Variants in ZNF12 observed in about 807,000 individuals in gnomAD.
ZNF12 encodes gonadotropin inducible transcription repressor 3.
In ZNF12, 34 loss-of-function variants were observed where a neutral mutation model predicts 66.6. The observed-to-expected ratio is 0.51, with a 90% CI of 0.39 to 0.68. The LOEUF is 0.68. Ranked by LOEUF, ZNF12 falls within the 30% of genes least tolerant of loss-of-function variation. The probability of loss-of-function intolerance (pLI) is 0.00; values close to 1 mark genes in which losing one functional copy is unlikely to be tolerated. For missense variants in ZNF12, 697 were observed against 826.9 expected, an observed-to-expected ratio of 0.84 and a Z score of 1.93; for synonymous variants, 320 against 278.9, an observed-to-expected ratio of 1.15 and a Z score of -1.47.
In ZNF12 at chr7:6,705,752, A is replaced by G. The variant is rs377696864; in HGVS notation, c.-50-529T>C. ...CAAACAAACAAACAAAAAACAAACA[A>G]CAAAAAATGAATTCTGTAATACTCA... On this transcript the variant is annotated intron_variant, in intron 1 of 4. Coordinates refer to ENST00000405858, the MANE Select transcript of ZNF12 (RefSeq NM_016265.4). The surrounding 1 kb of genome is among the most constrained non-coding windows in gnomAD (Gnocchi z 4.0). 6.6e-6 allele frequency among the ~76,000 whole-genome samples: 1 copy of G among 152,070 alleles called. No individual in the cohort carries two copies. Among genetic ancestry groups the G allele is most frequent in the South Asian group, 2.1e-4 (1 of 4,824 alleles).
At position 6,696,691 on chromosome 7, in the gene ZNF12, T is replaced by C. The variant is rs1780160148; in HGVS notation, c.238+648A>G. Reference sequence around the variant, plus strand: ...ACTAAGCACCTGCCATGACAGGGTATCATTCAAGGCATTGGGAACAGAACA... The same window carrying C: ...ACTAAGCACCTGCCATGACAGGGTACCATTCAAGGCATTGGGAACAGAACA... On this transcript the variant is annotated intron_variant, in intron 4 of 4. Transcript: ENST00000405858. This position sits in a 1 kb window ranked among gnomAD's most constrained non-coding sequence, Gnocchi z 4.0. Among the ~76,000 whole-genome samples the C allele has an allele frequency of 6.6e-6, 1 of 152,144 alleles. No individual in the cohort carries two copies. The highest frequency in any genetic ancestry group is 2.4e-5 in the African/African-American group (1 of 41,418).
chr7:6,690,666 C>T lies in ZNF12; in HGVS notation c.*182G>A. On this transcript the variant is annotated 3_prime_UTR_variant, in exon 5 of 5. Transcript: ENST00000405858. ...TGTCTATAGTCTAGTATTGTTATACCATGTGGTCTTGTTATAATCATGGTT... is the reference window on the plus strand; with the variant it reads ...TGTCTATAGTCTAGTATTGTTATACTATGTGGTCTTGTTATAATCATGGTT... 1 of 598,364 alleles carries T rather than the reference C, an allele frequency of 1.7e-6. No individual in the cohort carries two copies. Among genetic ancestry groups the T allele is most frequent in the Non-Finnish European group, 2.8e-6 (1 of 351,752 alleles). 37.1% of individuals were successfully genotyped at this position (598,364 alleles called of 1,614,324 possible). A position where few individuals can be genotyped will look rare whatever the true frequency, so the allele number is the denominator to read the frequency against.
At position 6,689,013 on chromosome 7, in the gene ZNF12, T is replaced by C. The variant is rs1780027959; in HGVS notation, c.*1835A>G. The C allele has an allele frequency of 6.6e-6, 1 of 152,616 alleles. No individual in the cohort carries two copies. 9.5% of individuals were successfully genotyped at this position (152,616 alleles called of 1,614,324 possible). ...TACGTCAAAATTTACAGAAAATAAATCTCTATATCAACAGCTTAAAATAAA... is the reference window on the plus strand; with the variant it reads ...TACGTCAAAATTTACAGAAAATAAACCTCTATATCAACAGCTTAAAATAAA... On this transcript the variant is annotated 3_prime_UTR_variant, in exon 5 of 5. Coordinates refer to ENST00000405858, the MANE Select transcript of ZNF12 (RefSeq NM_016265.4).
At position 6,689,122 on chromosome 7, in the gene ZNF12, G is replaced by C. The variant is rs1780029289; in HGVS notation, c.*1726C>G. The stretch of plus-strand genomic sequence containing the variant: ...CCAATTAGAATGTCTTCAGTTATTA[G>C]TAATAGAGCATCCTAAATCAACTGG... On this transcript the variant is annotated 3_prime_UTR_variant, in exon 5 of 5. Coordinates refer to ENST00000405858, the MANE Select transcript of ZNF12 (RefSeq NM_016265.4). 1 of 152,268 alleles carries C rather than the reference G, an allele frequency of 6.6e-6. No homozygotes were observed. The highest frequency in any genetic ancestry group is 2.1e-4 in the South Asian group (1 of 4,836). The allele number at this position is 152,268 out of a possible 1,614,324, so 9.4% of individuals were successfully genotyped here. A position where few individuals can be genotyped will look rare whatever the true frequency, so the allele number is the denominator to read the frequency against.
chr7:6,702,325 C>CACA (rs58794992), intron 2 of ZNF12, among the ~76,000 whole-genome samples: 7 of 10,624 alleles, frequency 6.6e-4, no homozygotes, highest in Non-Finnish European at 1.0e-3. Context: ...CACACACACA[C>CACA]CAGATTCGTC....
chr7:6,703,143 G>A (rs1780284814), intron 2 of ZNF12, among the ~76,000 whole-genome samples: 1 of 151,948 alleles, frequency 6.6e-6, no homozygotes, highest in Admixed American at 6.6e-5. Flanking sequence ...ACCTAATTCT[G>A]GCCTTTTCTC....
At chr7:6,694,477 C>G (rs141679586) in intron 4 of ZNF12, among the ~76,000 whole-genome samples, 2,185 of 152,248 alleles carry the variant, frequency 0.014, 51 homozygotes, top group Non-Finnish European at 0.015. Flanking sequence ...TATTCCGTTG[C>G]AGGAAAAGCA....
In ZNF12 at chr7:6,697,646, C is replaced by G. The variant is rs183815609; in HGVS notation, c.142+39G>C. On this transcript the variant is annotated intron_variant, in intron 3 of 4. Transcript: ENST00000405858. The surrounding 1 kb of genome is among the most constrained non-coding windows in gnomAD (Gnocchi z 6.1). ...AAAGTCATAAAATTTGTGAGAAATC[C>G]CATATATTTTAGCAACTGAGAAAGC... 56 of 1,611,444 alleles carry G rather than the reference C, an allele frequency of 3.5e-5. No individual in the cohort carries two copies. In the Admixed American group the frequency reaches 5.4e-4, roughly 15 times the overall value.
Position 6,692,148 on chromosome 7 carries a change from T to A in ZNF12, c.794A>T (p.Glu265Val). Reference sequence around the variant, plus strand: ...TTCACTGCATTCATAGGGCTTCATTTCCATATGAGATGTCTGATGTACAGT... The same window carrying A: ...TTCACTGCATTCATAGGGCTTCATTACCATATGAGATGTCTGATGTACAGT... ...DLTVHQTSHM[E>V]MKPYECSECG... is the part of the protein sequence containing the mutation. Residue 265 changes from glutamate (E) to valine (V), a missense_variant, in exon 5 of 5, where the codon GAA becomes GTA. Glu to Val is a moderately radical substitution (Grantham distance 121). Coordinates refer to ENST00000405858, the MANE Select transcript of ZNF12 (RefSeq NM_016265.4). The surrounding 1 kb of genome is among the most constrained non-coding windows in gnomAD (Gnocchi z 5.1). 6.2e-7 allele frequency: 1 copy of A among 1,614,148 alleles called. No individual in the cohort carries two copies. Among genetic ancestry groups the A allele is most frequent in the Non-Finnish European group, 8.5e-7 (1 of 1,179,990 alleles).
At chr7:6,703,271 A>G (rs754990885) in intron 2 of ZNF12, among the ~76,000 whole-genome samples, 1 of 152,156 alleles carries the variant, frequency 6.6e-6, no homozygotes, top group Non-Finnish European at 1.5e-5. Context: ...TATGATGAAC[A>G]CTTCAGGAGA....
rs1697336854 is a variant in ZNF12, at chr7:6,706,659, GC to G, written c.-279del. On this transcript the variant is annotated 5_prime_UTR_variant, in exon 1 of 5. Transcript: ENST00000405858. ...CACCGTCCTGCGGAGCCGGGGCCGG[GC>G]CGTCGAGGACGCACACGGGCCGGGC... 5.5e-6 allele frequency: 2 copies of G among 363,256 alleles called. No homozygotes were observed. The highest frequency in any genetic ancestry group is 2.0e-5 in the South Asian group (1 of 50,856). 22.5% of individuals were successfully genotyped at this position (363,256 alleles called of 1,614,324 possible).
chr7:6,703,509 T>C (rs1780292010), intron 2 of ZNF12, among the ~76,000 whole-genome samples: 1 of 152,164 alleles, frequency 6.6e-6, no homozygotes, highest in African/African-American at 2.4e-5. Flanking sequence ...TCTTTCTCGA[T>C]AGGGCTACAG....
rs1780181844 is a variant in ZNF12, at chr7:6,698,183, T to A, written c.16-372A>T. 6.6e-6 allele frequency among the ~76,000 whole-genome samples: 1 copy of A among 152,100 alleles called. No individual in the cohort carries two copies. Among genetic ancestry groups the A allele is most frequent in the Admixed American group, 6.6e-5 (1 of 15,262 alleles). On this transcript the variant is annotated intron_variant, in intron 2 of 4. Coordinates refer to ENST00000405858, the MANE Select transcript of ZNF12 (RefSeq NM_016265.4). The surrounding 1 kb of genome is among the most constrained non-coding windows in gnomAD (Gnocchi z 4.4). Reference sequence around the variant, plus strand: ...CATTCTTCAATTTGCTTCTAGAACATTAATAATGTTGGTTCTCTTCTTACC... The same window carrying A: ...CATTCTTCAATTTGCTTCTAGAACAATAATAATGTTGGTTCTCTTCTTACC...
Position 6,698,828 on chromosome 7 carries a change from G to A in ZNF12, c.16-1017C>T, listed in dbSNP as rs950081681. On this transcript the variant is annotated intron_variant, in intron 2 of 4. Coordinates refer to ENST00000405858, the MANE Select transcript of ZNF12 (RefSeq NM_016265.4). The surrounding 1 kb of genome is among the most constrained non-coding windows in gnomAD (Gnocchi z 4.4). ...TTTGAATAAAGTGTCCCATTCACAA[G>A]TACTCACACTAGCCATTATAACTGT... is the stretch of plus-strand genomic sequence containing the variant. Among the ~76,000 whole-genome samples, 1 of 152,164 alleles carries A rather than the reference G, an allele frequency of 6.6e-6. No homozygotes were observed. The highest frequency in any genetic ancestry group is 1.5e-5 in the Non-Finnish European group (1 of 68,044).
In ZNF12 at chr7:6,706,491, G is replaced by A; in HGVS notation, c.-110C>T. 2.1e-6 allele frequency: 1 copy of A among 472,002 alleles called. No homozygotes were observed. The highest frequency in any genetic ancestry group is 1.5e-5 in the South Asian group (1 of 65,720). 29.2% of individuals were successfully genotyped at this position (472,002 alleles called of 1,614,324 possible). A position where few individuals can be genotyped will look rare whatever the true frequency, so the allele number is the denominator to read the frequency against. On this transcript the variant is annotated 5_prime_UTR_variant, in exon 1 of 5. Transcript: ENST00000405858. Reference sequence around the variant, plus strand: ...CCCGACAGGCCGGGGCGGGATTGCTGTCGCGGGCGCGCGTCTGCTCGCGAG... The same window carrying A: ...CCCGACAGGCCGGGGCGGGATTGCTATCGCGGGCGCGCGTCTGCTCGCGAG...
chr7:6,691,683 C>T lies in ZNF12; in HGVS notation c.1259G>A (p.Arg420His), dbSNP rs748127276. The T allele has an allele frequency of 6.8e-6, 11 of 1,612,572 alleles. No homozygotes were observed. The highest frequency in any genetic ancestry group is 8.5e-6 in the Non-Finnish European group (10 of 1,179,562). The change falls in exon 5 of 5, where the codon CGC becomes CAC. Residue 420 changes from arginine to histidine, a missense_variant. Around this residue, in one of 3 missense-constraint regions of ZNF12, gnomAD observed 401 missense variants for 519.0 expected, o/e 0.77. Transcript: ENST00000405858. Reference sequence around the variant, plus strand: ...CAGGTGGGTCGTGAGAGTAGACTTGCGGCAGAAGCATTTCCCACATTCACT... The same window carrying T: ...CAGGTGGGTCGTGAGAGTAGACTTGTGGCAGAAGCATTTCCCACATTCACT... ...KCSECGKCFC[R>H]KSTLTTHLRT...
rs1001877502 is a variant in ZNF12 at position 6,689,878 on chromosome 7, G to A, written c.*970C>T. On this transcript the variant is annotated 3_prime_UTR_variant, in exon 5 of 5. Coordinates refer to ENST00000405858, the MANE Select transcript of ZNF12 (RefSeq NM_016265.4). ...TTGTGCTCTGCACTGTTATGTAAGT[G>A]TCCAAATAAAAAACAGTAGAAAAAA... The A allele has an allele frequency of 6.6e-6, 1 of 152,504 alleles. No homozygotes were observed. Among genetic ancestry groups the A allele is most frequent in the Non-Finnish European group, 1.5e-5 (1 of 68,032 alleles). The allele number at this position is 152,504 out of a possible 1,614,324, so 9.4% of individuals were successfully genotyped here.
rs1374074823 is a variant in ZNF12, at chr7:6,690,580, C to CA, written c.*267dup. Reference sequence around the variant, plus strand: ...CCTTGGCTATGATTTCCCTGATATGCAAAACAGTTCCAATCCATGGTGACA... The same window carrying CA: ...CCTTGGCTATGATTTCCCTGATATGCAAAAACAGTTCCAATCCATGGTGACA... On this transcript the variant is annotated 3_prime_UTR_variant, in exon 5 of 5. Coordinates refer to ENST00000405858, the MANE Select transcript of ZNF12 (RefSeq NM_016265.4). 3 of 316,450 alleles carry CA rather than the reference C, an allele frequency of 9.5e-6. No individual in the cohort carries two copies. The highest frequency in any genetic ancestry group is 1.7e-5 in the Non-Finnish European group (3 of 173,376). 19.6% of individuals were successfully genotyped at this position (316,450 alleles called of 1,614,324 possible).
chr7:6,697,268 G>A lies in ZNF12; in HGVS notation c.238+71C>T, dbSNP rs182778206. 1.0e-5 allele frequency: 12 copies of A among 1,197,634 alleles called. No homozygotes were observed. The highest frequency in any genetic ancestry group is 3.8e-4 in the Middle Eastern group (2 of 5,218). The allele number at this position is 1,197,634 out of a possible 1,614,324, so 74.2% of individuals were successfully genotyped here. ...TATTTCTAGTCACTTCTAAAGGTTC[G>A]GGACCATTAAAAAATCCCTGGGAAA... is the stretch of plus-strand genomic sequence containing the variant. On this transcript the variant is annotated intron_variant, in intron 4 of 4. Coordinates refer to ENST00000405858, the MANE Select transcript of ZNF12 (RefSeq NM_016265.4). This position sits in a 1 kb window ranked among gnomAD's most constrained non-coding sequence, Gnocchi z 6.1.
Sources: allele counts gnomAD v4.1 joint callset (sites outside exome capture counted in the v4.1 genomes callset), GRCh38; gene constraint gnomAD v4.1.1; regional missense constraint gnomAD v4.1.1; non-coding constraint Gnocchi (gnomAD v3.1); transcripts MANE v1.5; gene names NCBI Gene and HGNC (gene_info 2026-07-23, HGNC 2026-07-21).